The following IGBP1C variants were observed in gnomAD, a reference collection of about 807,000 sequenced individuals.
IGBP1C encodes immunoglobulin-binding protein 1 family member C.
At chr17:58,675,076 G>T in the IGBP1C span, among the ~76,000 whole-genome samples, 1 of 151,872 alleles carries the variant, frequency 6.6e-6, no homozygotes, top group South Asian at 2.1e-4. Context: ...AGCCTGGGAG[G>T]TGGAAGTTGC....
the IGBP1C span, among the ~76,000 whole-genome samples, chr17:58,681,430 T>A: frequency 6.6e-6 from 1 of 152,160 alleles, no homozygotes. Flanking sequence ...AGTCTATCAG[T>A]TTTATTTTTA....
At chr17:58,686,861 CTTTTTTTTTTTTTTTT>C in the IGBP1C span, among the ~76,000 whole-genome samples, 2 of 71,478 alleles carry the variant, frequency 2.8e-5, no homozygotes, top group Non-Finnish European at 5.1e-5. Context: ...GAAAGGTCAC[CTTTTTTTTTTTTTTTT>C]TTTTTTTTTT....
At chr17:58,674,151 C>G in the IGBP1C span, among the ~76,000 whole-genome samples, 2 of 151,920 alleles carry the variant, frequency 1.3e-5, no homozygotes, top group Non-Finnish European at 2.9e-5. Context: ...TGGCATGCGC[C>G]TATAATCCCA....
the IGBP1C span, among the ~76,000 whole-genome samples, chr17:58,672,072 G>A: frequency 6.6e-6 from 1 of 152,156 alleles, no homozygotes; most frequent in Non-Finnish European, 1.5e-5. Context: ...AGCTCATCAG[G>A]CATTAGTTAG....
At chr17:58,665,533 T>A in the IGBP1C span, among the ~76,000 whole-genome samples, 2 of 151,522 alleles carry the variant, frequency 1.3e-5, no homozygotes, top group African/African-American at 4.8e-5. Context: ...GAGGCGGAGG[T>A]TGCAGTGAGC....
At chr17:58,675,203 A>G in the IGBP1C span, 1 of 152,172 alleles carries the variant, frequency 6.6e-6, no homozygotes, top group African/African-American at 2.4e-5. Flanking sequence ...CAATATTCTT[A>G]GCCATCAGGG....
chr17:58,684,675 AAAT>A, the IGBP1C span, among the ~76,000 whole-genome samples: 54 of 144,034 alleles, frequency 3.7e-4, no homozygotes, highest in African/African-American at 1.2e-3. Flanking sequence ...ATAAATAAAT[AAAT>A]AAAAAGCTTT....
chr17:58,661,091 A>C, the IGBP1C span: 1 of 982,990 alleles, frequency 1.0e-6, no homozygotes, highest in Non-Finnish European at 1.7e-6. Context: ...CTTATGCTCC[A>C]ACACCTTCTT....
At chr17:58,682,239 CA>C in the IGBP1C span, among the ~76,000 whole-genome samples, 1 of 151,350 alleles carries the variant, frequency 6.6e-6, no homozygotes, top group Middle Eastern at 3.5e-3. Flanking sequence ...ATGGAACCAC[CA>C]TGCCCAGGCC....
the IGBP1C span, among the ~76,000 whole-genome samples, chr17:58,671,386 G>A: frequency 6.6e-6 from 1 of 152,140 alleles, no homozygotes; most frequent in Admixed American, 6.6e-5. Flanking sequence ...TGAGATAGTG[G>A]TGAAGATTTC....
chr17:58,682,757 C>T, the IGBP1C span, among the ~76,000 whole-genome samples: 3 of 152,120 alleles, frequency 2.0e-5, no homozygotes, highest in Non-Finnish European at 4.4e-5. Context: ...TTGCTATTGG[C>T]CTAGTTATCA....
the IGBP1C span, among the ~76,000 whole-genome samples, chr17:58,662,445 A>G: frequency 6.6e-6 from 1 of 151,858 alleles, no homozygotes; most frequent in Admixed American, 6.6e-5. Flanking sequence ...ACACACACAC[A>G]CACACACAGA....
the IGBP1C span, chr17:58,661,592 G>C: frequency 6.9e-6 from 5 of 723,918 alleles, no homozygotes; most frequent in Non-Finnish European, 1.3e-5. Flanking sequence ...GTCTTCAGCA[G>C]CTGCCATCTT....
chr17:58,676,037 C>T, the IGBP1C span, among the ~76,000 whole-genome samples: 2 of 151,988 alleles, frequency 1.3e-5, no homozygotes, highest in Non-Finnish European at 1.5e-5. Flanking sequence ...GTCACGAGTT[C>T]GAGACCAGCC....
chr17:58,663,437 A>G, the IGBP1C span, among the ~76,000 whole-genome samples: 1 of 151,922 alleles, frequency 6.6e-6, no homozygotes, highest in African/African-American at 2.4e-5. Flanking sequence ...AAAAAAAAAA[A>G]AAAGTCATTA....
chr17:58,683,839 G>A, the IGBP1C span, among the ~76,000 whole-genome samples: 2 of 151,688 alleles, frequency 1.3e-5, no homozygotes, highest in Non-Finnish European at 2.9e-5. Context: ...GGCTGAGGCG[G>A]GCGGATCACA....
At chr17:58,678,019 G>A in the IGBP1C span, among the ~76,000 whole-genome samples, 2 of 152,162 alleles carry the variant, frequency 1.3e-5, no homozygotes, top group African/African-American at 2.4e-5. Flanking sequence ...GCATGGTGGC[G>A]GGTGCCTGTA....
the IGBP1C span, among the ~76,000 whole-genome samples, chr17:58,663,921 C>T: frequency 1.3e-5 from 2 of 152,122 alleles, no homozygotes; most frequent in Non-Finnish European, 2.9e-5. Flanking sequence ...CTCATGCCTG[C>T]AATCCCATCA....
At chr17:58,664,281 T>C in the IGBP1C span, among the ~76,000 whole-genome samples, 1 of 152,338 alleles carries the variant, frequency 6.6e-6, no homozygotes. Context: ...TGACCACAGC[T>C]CTGAGGCCTC....
Sources: allele counts gnomAD v4.1 joint callset (sites outside exome capture counted in the v4.1 genomes callset), GRCh38; gene constraint gnomAD v4.1.1; transcripts MANE v1.5; gene names NCBI Gene and HGNC (gene_info 2026-07-23, HGNC 2026-07-21).